The following MAPK10 variants were observed in gnomAD, a reference collection of about 807,000 sequenced individuals.
MAPK10 encodes the protein mitogen-activated protein kinase 10.
MAPK10 carries 25 observed loss-of-function variants against 59.3 expected under a neutral mutation model. The ratio of observed to expected loss-of-function variants is 0.42; its 90% confidence interval spans 0.31 to 0.59. MAPK10 has a LOEUF of 0.59. MAPK10 is among the 20% of genes least tolerant of loss of function. The pLI is 0.15. For synonymous variants in MAPK10, 190 were observed against 200.5 expected, an observed-to-expected ratio of 0.95 and a Z score of 0.44; for missense variants, 351 against 568.9, an observed-to-expected ratio of 0.62 and a Z score of 3.90.
At chr4:86,098,038 CT>C (rs894806543) in intron 9 of MAPK10, among the ~76,000 whole-genome samples, 17 of 152,134 alleles carry the variant, frequency 1.1e-4, no homozygotes, top group African/African-American at 3.9e-4. Context: ...CTATATTGAC[CT>C]GTTAAAGACT....
At chr4:86,281,845 C>G (rs754871169) in intron 2 of MAPK10, among the ~76,000 whole-genome samples, 5 of 151,594 alleles carry the variant, frequency 3.3e-5, no homozygotes, top group Admixed American at 6.6e-5. Flanking sequence ...ATTGATTGGA[C>G]TGATGCAAAA....
chr4:86,046,473 T>C (rs2042523602), intron 11 of MAPK10, among the ~76,000 whole-genome samples: 1 of 150,832 alleles, frequency 6.6e-6, no homozygotes. Flanking sequence ...TTTTGAGATT[T>C]TGGGCTGAGA....
intron 1 of MAPK10, among the ~76,000 whole-genome samples, chr4:86,546,619 G>A (rs1372301055): frequency 6.6e-6 from 1 of 151,840 alleles, no homozygotes; most frequent in Non-Finnish European, 1.5e-5. Flanking sequence ...ACCAAGCAAG[G>A]GGCCCTTCTG....
At chr4:86,556,756 G>T (rs1208286108) in intron 1 of MAPK10, among the ~76,000 whole-genome samples, 1 of 152,098 alleles carries the variant, frequency 6.6e-6, no homozygotes, top group African/African-American at 2.4e-5. Context: ...ATGAAAAAGG[G>T]TAACTAAACC....
chr4:86,480,122 C>T (rs1358690236), intron 1 of MAPK10, among the ~76,000 whole-genome samples: 3 of 152,230 alleles, frequency 2.0e-5, no homozygotes, highest in Admixed American at 6.5e-5. Flanking sequence ...CACGTATACA[C>T]CTAGATGGCC....
intron 9 of MAPK10, chr4:86,095,508 A>T (rs1216400178): frequency 2.6e-5 from 4 of 151,852 alleles, no homozygotes; most frequent in Non-Finnish European, 5.9e-5. Flanking sequence ...TTGTTTTTTG[A>T]AATTTCTGCA....
intron 1 of MAPK10, among the ~76,000 whole-genome samples, chr4:86,459,958 TA>T (rs919903346): frequency 8.0e-5 from 12 of 150,846 alleles, no homozygotes; most frequent in African/African-American, 2.7e-4. Context: ...GAAAAAAATC[TA>T]AAAAAAAAGC....
intron 1 of MAPK10, among the ~76,000 whole-genome samples, chr4:86,462,211 A>G (rs1177207644): frequency 6.6e-6 from 1 of 152,210 alleles, no homozygotes; most frequent in Non-Finnish European, 1.5e-5. Flanking sequence ...CGGGGATGAT[A>G]GGATTACTTC....
intron 3 of MAPK10, among the ~76,000 whole-genome samples, chr4:86,187,381 A>T (rs2078506505): frequency 6.6e-6 from 1 of 152,196 alleles, no homozygotes. Context: ...AGGTGGCATT[A>T]TATGGACGTG....
rs545969257 is a variant in MAPK10 at position 86,171,772 on chromosome 4, C to T, written c.67-12305G>A. ...AGCTTCTGCACAGCAAAAGAAACTACCATCAGAGTGAACAGGCAACCTACA... is the reference window on the plus strand; with the variant it reads ...AGCTTCTGCACAGCAAAAGAAACTATCATCAGAGTGAACAGGCAACCTACA... On this transcript the variant is annotated intron_variant, in intron 3 of 13. Coordinates refer to ENST00000641462, the MANE Select transcript of MAPK10 (RefSeq NM_138982.4). Among the ~76,000 whole-genome samples, 31 of 151,406 alleles carry T rather than the reference C, an allele frequency of 2.0e-4. 2 individuals carry two copies. In the South Asian group the frequency reaches 6.5e-3, roughly 32 times the overall value.
chr4:86,296,319 A>C (rs1564091877), intron 2 of MAPK10, among the ~76,000 whole-genome samples: 1 of 152,184 alleles, frequency 6.6e-6, no homozygotes, highest in Non-Finnish European at 1.5e-5. Context: ...AAAAGGAGGA[A>C]GGGCTGAGGC....
At chr4:86,107,146 A>T in intron 5 of MAPK10, 77 bp downstream of exon 5, 5 of 1,166,296 alleles carry the variant, frequency 4.3e-6, no homozygotes, top group Non-Finnish European at 6.2e-6. Context: ...AGCCTTTCTT[A>T]CTCAAGTACA....
At chr4:86,138,451 T>A (rs1421270927) in intron 4 of MAPK10, among the ~76,000 whole-genome samples, 1 of 131,720 alleles carries the variant, frequency 7.6e-6, no homozygotes, top group African/African-American at 2.7e-5. Flanking sequence ...ATTATCTCAA[T>A]AGATGCAGGA....
intron 2 of MAPK10, among the ~76,000 whole-genome samples, chr4:86,226,546 C>T (rs373594606): frequency 3.3e-5 from 5 of 152,154 alleles, no homozygotes; most frequent in East Asian, 3.8e-4. Flanking sequence ...CAGTAACCAG[C>T]ATTAAACCTT....
chr4:86,200,599 C>T (rs1460983157), intron 2 of MAPK10, among the ~76,000 whole-genome samples: 2 of 151,786 alleles, frequency 1.3e-5, no homozygotes, highest in South Asian at 2.1e-4. Context: ...AATAATGCTG[C>T]TATGATCATT....
chr4:86,171,279 C>T (rs1244508720), intron 3 of MAPK10, among the ~76,000 whole-genome samples: 1 of 151,936 alleles, frequency 6.6e-6, no homozygotes, highest in African/African-American at 2.4e-5. Flanking sequence ...AATTAATGAA[C>T]CTAGGAGCTG....
At chr4:86,358,399 G>A in intron 1 of MAPK10, 3 of 984,752 alleles carry the variant, frequency 3.0e-6, no homozygotes, top group Non-Finnish European at 3.6e-6. Context: ...CACCTGAACT[G>A]TAGTCTATCC....
At chr4:86,442,472 G>A (rs1467238214) in intron 1 of MAPK10, among the ~76,000 whole-genome samples, 1 of 152,118 alleles carries the variant, frequency 6.6e-6, no homozygotes, top group Non-Finnish European at 1.5e-5. Flanking sequence ...TGTTGTATCT[G>A]CTTTAAATAT....
At chr4:86,443,297 T>C (rs1440316304) in intron 1 of MAPK10, among the ~76,000 whole-genome samples, 1 of 151,820 alleles carries the variant, frequency 6.6e-6, no homozygotes, top group Non-Finnish European at 1.5e-5. Context: ...CATTTTGAAA[T>C]ACACCAAAGC....
Sources: gnomAD v4.1 joint callset for allele counts (sites outside exome capture counted in the v4.1 genomes callset) on GRCh38, gnomAD v4.1.1 for gene constraint, MANE v1.5 for transcripts, NCBI Gene and HGNC (gene_info 2026-07-23, HGNC 2026-07-21) for gene names.